Variants in SPEN observed in about 807,000 individuals in gnomAD.
The protein encoded by SPEN is msx2-interacting protein.
SPEN carries 18 observed loss-of-function variants against 269.9 expected under a neutral mutation model. That is an observed-to-expected ratio of 0.07 (90% CI 0.05 to 0.10). The LOEUF (loss-of-function observed/expected upper bound fraction) is 0.10, where lower values mean the gene tolerates loss of function less well. Ranked by LOEUF, SPEN falls within the 10% of genes least tolerant of loss-of-function variation. The probability of loss-of-function intolerance (pLI) is 1.00; values close to 1 mark genes in which losing one functional copy is unlikely to be tolerated. For missense variants in SPEN, 3,822 were observed against 4,631.2 expected (o/e 0.83, Z 5.07); for synonymous variants, 1,726 against 1,765.7 (o/e 0.98, Z 0.56).
chr1:15,853,404 C>A (rs1265734317), intron 1 of SPEN, among the ~76,000 whole-genome samples: 3 of 151,874 alleles, frequency 2.0e-5, no homozygotes, highest in African/African-American at 2.4e-5. Flanking sequence ...CCAGGCTGGT[C>A]TTGAACTCCT....
rs377688121 is a variant in SPEN at position 15,928,183 on chromosome 1, G to A, written c.1943G>A (p.Arg648Gln). The change falls in exon 11 of 15, where the codon CGG becomes CAG. Residue 648 changes from arginine (R) to glutamine (Q), a missense_variant. By Grantham distance (43) the Arg-to-Gln change is conservative (BLOSUM62 1). Transcript: ENST00000375759. This position sits in a 1 kb window ranked among gnomAD's most constrained non-coding sequence, Gnocchi z 5.7. The part of the protein sequence containing the change: ...TPGTYPEDSR[R>Q]DYPARGREFY... ...GGCACTTATCCTGAGGATTCCAGGC[G>A]GGACTATCCAGCTCGAGGGAGAGAG... is the stretch of plus-strand genomic sequence containing the variant. 1.9e-5 allele frequency: 30 copies of A among 1,613,992 alleles called. No individual in the cohort carries two copies. Among genetic ancestry groups the A allele is most frequent in the Non-Finnish European group, 2.3e-5 (27 of 1,180,026 alleles).
intron 3 of SPEN, among the ~76,000 whole-genome samples, chr1:15,891,601 C>T (rs182144942): frequency 2.3e-3 from 343 of 152,222 alleles, no homozygotes; most frequent in African/African-American, 7.9e-3. Context: ...CTGCCCACCT[C>T]AGCCTCCCAA....
intron 3 of SPEN, among the ~76,000 whole-genome samples, chr1:15,906,154 C>G (rs1030402741): frequency 1.3e-5 from 2 of 152,152 alleles, no homozygotes. Context: ...GTGCTAAAAA[C>G]AGAAGATTGA....
intron 3 of SPEN, among the ~76,000 whole-genome samples, chr1:15,908,930 C>G (rs975637186): frequency 2.0e-5 from 3 of 151,818 alleles, no homozygotes; most frequent in Non-Finnish European, 4.4e-5. Flanking sequence ...GTGATTTGTC[C>G]ACGGACATGT....
rs189316143 is a variant in SPEN, at chr1:15,869,232, G to A, written c.84-3584G>A. Among the ~76,000 whole-genome samples, 983 of 151,656 alleles carry A rather than the reference G, an allele frequency of 6.5e-3. 8 individuals are homozygous for A. The highest frequency in any genetic ancestry group is 0.02 in the Middle Eastern group (6 of 294). The stretch of plus-strand genomic sequence containing the variant: ...CCACCACACTCGGCTAATTTTTTGC[G>A]TTTTAGTAGAGATGAGGTTTTACCA... On this transcript the variant is annotated intron_variant, in intron 1 of 14. Coordinates refer to ENST00000375759, the MANE Select transcript of SPEN (RefSeq NM_015001.3).
chr1:15,938,127 T>TA, intron 13 of SPEN, 121 bp downstream of exon 13: 1 of 925,922 alleles, frequency 1.1e-6, no homozygotes, highest in Non-Finnish European at 1.6e-6. Flanking sequence ...TTGTTGTTGT[T>TA]GAAACAGTCT....
intron 1 of SPEN, among the ~76,000 whole-genome samples, chr1:15,852,292 C>T (rs2070344183): frequency 6.6e-6 from 1 of 151,682 alleles, no homozygotes; most frequent in Non-Finnish European, 1.5e-5. Context: ...ACCCATACCA[C>T]CCCCATCCCG....
chr1:15,866,954 T>G (rs1311442985), intron 1 of SPEN, among the ~76,000 whole-genome samples: 1 of 152,172 alleles, frequency 6.6e-6, no homozygotes, highest in East Asian at 1.9e-4. Context: ...GGACAGGTAT[T>G]TTTTGTATTT....
chr1:15,911,563 G>A (rs551178217), intron 5 of SPEN, among the ~76,000 whole-genome samples: 1 of 152,346 alleles, frequency 6.6e-6, no homozygotes, highest in East Asian at 1.9e-4. Flanking sequence ...AGGCAGAACT[G>A]TGTAGACCCT....
At position 15,911,264 on chromosome 1, in the gene SPEN, T is replaced by C; in HGVS notation, c.1206T>C (p.Phe402=). ...ALTASKGKLF[F]GMQIEVTAWI... is the part of the protein sequence containing the mutation. ...CTGCATCAAAAGGAAAACTTTTCTT[T>C]GGCATGCAGATTGAAGTAACAGCAT... The change falls in exon 5 of 15, where the codon TTT becomes TTC. Residue 402 remains phenylalanine (F), a synonymous_variant. Transcript: ENST00000375759. The C allele has an allele frequency of 6.2e-7, 1 of 1,614,148 alleles. No individual in the cohort carries two copies. Among genetic ancestry groups the C allele is most frequent in the Non-Finnish European group, 8.5e-7 (1 of 1,180,006 alleles).
chr1:15,857,204 A>G (rs1288099286), intron 1 of SPEN, among the ~76,000 whole-genome samples: 2 of 152,044 alleles, frequency 1.3e-5, no homozygotes, highest in African/African-American at 4.8e-5. Context: ...AGCTAGGACT[A>G]CAGGCGCACA....
chr1:15,934,988 C>A lies in SPEN; in HGVS notation c.8748C>A (p.His2916Gln). 1 of 1,614,030 alleles carries A rather than the reference C, an allele frequency of 6.2e-7. No homozygotes were observed. ...RPSLEKPEPI[H>Q]LSVSTPVTQG... ...CCTTGGAGAAGCCCGAGCCCATTCA[C>A]CTCTCGGTGTCCACGCCTGTCACCC... is the stretch of plus-strand genomic sequence containing the variant. The change falls in exon 11 of 15, where the codon CAC becomes CAA. Residue 2916 changes from histidine (H) to glutamine (Q), a missense_variant. This residue lies in a region of SPEN where 329 missense variants were observed against 431.2 expected (regional missense o/e 0.76). Coordinates refer to ENST00000375759, the MANE Select transcript of SPEN (RefSeq NM_015001.3). The surrounding 1 kb of genome is among the most constrained non-coding windows in gnomAD (Gnocchi z 9.2).
chr1:15,940,159 G>GT lies in SPEN; in HGVS notation c.*740dup, dbSNP rs988318978. 4.0e-5 allele frequency: 9 copies of GT among 225,770 alleles called. No homozygotes were observed. The highest frequency in any genetic ancestry group is 6.3e-5 in the East Asian group (1 of 15,816). The allele number at this position is 225,770 out of a possible 1,614,324, so 14.0% of individuals were successfully genotyped here. A position where few individuals can be genotyped will look rare whatever the true frequency, so the allele number is the denominator to read the frequency against. On this transcript the variant is annotated 3_prime_UTR_variant, in exon 15 of 15. Coordinates refer to ENST00000375759, the MANE Select transcript of SPEN (RefSeq NM_015001.3). ...TAAAAAATCAAATCCCCCGACATAC[G>GT]TTTTTTTTAATCTGTGCCAAAAATG...
At chr1:15,895,994 C>T (rs1175073781) in intron 3 of SPEN, among the ~76,000 whole-genome samples, 3 of 151,608 alleles carry the variant, frequency 2.0e-5, no homozygotes, top group Non-Finnish European at 4.4e-5. Context: ...TATACTTAAT[C>T]TTTTGTGAGC....
At chr1:15,909,550 A>G (rs1275724355) in intron 4 of SPEN, 69 bp downstream of exon 4, 3 of 1,406,710 alleles carry the variant, frequency 2.1e-6, no homozygotes, top group East Asian at 2.3e-5. Flanking sequence ...ACTGCATTAC[A>G]TTGAAATAAC....
intron 3 of SPEN, among the ~76,000 whole-genome samples, chr1:15,901,928 GTTTTT>G (rs35730805): frequency 1.0e-5 from 1 of 100,280 alleles, no homozygotes; most frequent in Non-Finnish European, 1.9e-5. Context: ...TATTTATTTA[GTTTTT>G]TTTTTTTTTT....
rs140089239 is a variant in SPEN at position 15,933,164 on chromosome 1, C to T, written c.6924C>T (p.Thr2308=). 1.5e-4 allele frequency: 236 copies of T among 1,614,186 alleles called. 1 individual carries two copies. The African/African-American group carries it at 2.9e-3, about 20-fold the overall frequency. Residue 2308 remains threonine, a synonymous_variant, in exon 11 of 15, where the codon ACC becomes ACT. Coordinates refer to ENST00000375759, the MANE Select transcript of SPEN (RefSeq NM_015001.3). This position sits in a 1 kb window ranked among gnomAD's most constrained non-coding sequence, Gnocchi z 5.7. ...AAGCCAGAGGAAATAGCAGTGAAACCTCACACTCAGTGCCAGAAGCCAAAG... is the reference window on the plus strand; with the variant it reads ...AAGCCAGAGGAAATAGCAGTGAAACTTCACACTCAGTGCCAGAAGCCAAAG... The part of the protein sequence containing the change: ...TKEARGNSSE[T]SHSVPEAKGS...
chr1:15,865,201 G>A (rs2070491770), intron 1 of SPEN, among the ~76,000 whole-genome samples: 1 of 147,640 alleles, frequency 6.8e-6, no homozygotes, highest in Non-Finnish European at 1.5e-5. Context: ...ACAGGCGCAC[G>A]CTGCCATGCC....
chr1:15,905,698 G>A (rs1160231211), intron 3 of SPEN, among the ~76,000 whole-genome samples: 4 of 151,462 alleles, frequency 2.6e-5, no homozygotes, highest in African/African-American at 7.3e-5. Flanking sequence ...TCAGCCTCCC[G>A]AGTAGCTGGG....
Sources: allele counts gnomAD v4.1 joint callset (sites outside exome capture counted in the v4.1 genomes callset), GRCh38; gene constraint gnomAD v4.1.1; regional missense constraint gnomAD v4.1.1; non-coding constraint Gnocchi (gnomAD v3.1); transcripts MANE v1.5; gene names NCBI Gene and HGNC (gene_info 2026-07-23, HGNC 2026-07-21).